SMOC2: variants seen among roughly 807,000 people sequenced by gnomAD.
SMOC2 encodes the protein SPARC related modular calcium binding 2, also known as SPARC-related modular calcium-binding protein 2.
SMOC2 carries 39 observed loss-of-function variants against 61.4 expected under a neutral mutation model. That is an observed-to-expected ratio of 0.64 (90% CI 0.49 to 0.83). The LOEUF is 0.83. SMOC2 is among the 40% of genes least tolerant of loss of function. The probability of loss-of-function intolerance (pLI) is 0.00; values close to 1 mark genes in which losing one functional copy is unlikely to be tolerated. For synonymous variants in SMOC2, 247 were observed against 239.9 expected (o/e 1.03, Z -0.27); for missense variants, 556 against 592.9 (o/e 0.94, Z 0.65).
chr6:168,606,914 G>A (rs1028354158), intron 8 of SMOC2, among the ~76,000 whole-genome samples: 18 of 152,082 alleles, frequency 1.2e-4, no homozygotes, highest in Non-Finnish European at 1.5e-4. Context: ...AGGATTCCAC[G>A]TGCCTGACAC....
At chr6:168,519,081 G>A (rs1011454662) in intron 2 of SMOC2, among the ~76,000 whole-genome samples, 6 of 150,614 alleles carry the variant, frequency 4.0e-5, no homozygotes, top group East Asian at 2.0e-4. Flanking sequence ...GTATGTATGC[G>A]TGCATGTGTG....
intron 1 of SMOC2, among the ~76,000 whole-genome samples, chr6:168,455,093 G>A (rs74322181): frequency 0.065 from 9,845 of 152,132 alleles, 383 homozygotes; most frequent in Non-Finnish European, 0.093. Flanking sequence ...GTGCCGGGGC[G>A]GAGTGAGGAC....
intron 7 of SMOC2, among the ~76,000 whole-genome samples, chr6:168,555,893 G>A (rs1784237349): frequency 6.6e-6 from 1 of 152,160 alleles, no homozygotes. Context: ...GGCAGCACCG[G>A]GCAGTCCCTT....
chr6:168,645,807 C>T (rs1302148929), intron 9 of SMOC2, among the ~76,000 whole-genome samples: 1 of 152,194 alleles, frequency 6.6e-6, no homozygotes, highest in Non-Finnish European at 1.5e-5. Context: ...TGACCTGTCC[C>T]CCTCACATCA....
rs530639857 is a variant in SMOC2 at position 168,558,861 on chromosome 6, ATG to A, written c.637+9665_637+9666del. Among the ~76,000 whole-genome samples, 573 of 104,828 alleles carry A rather than the reference ATG, an allele frequency of 5.5e-3. 4 individuals carry two copies. Among genetic ancestry groups the A allele is most frequent in the African/African-American group, 0.034 (514 of 15,028 alleles). The allele number at this position is 104,828 out of a possible 152,430, so 68.8% of individuals were successfully genotyped here. On this transcript the variant is annotated intron_variant, in intron 7 of 12. Transcript: ENST00000356284. ...CACGTGTGTATGTGCGCGTGTGCGC[ATG>A]TGTGTGCATGTGTGTGCGTGTGTGC...
intron 9 of SMOC2, among the ~76,000 whole-genome samples, chr6:168,632,454 A>G (rs1313917325): frequency 1.3e-5 from 2 of 152,234 alleles, no homozygotes; most frequent in Non-Finnish European, 2.9e-5. Flanking sequence ...TTCACTCTGG[A>G]GAGTTGATGA....
chr6:168,494,212 C>T (rs2115035343), intron 1 of SMOC2, among the ~76,000 whole-genome samples: 1 of 152,286 alleles, frequency 6.6e-6, no homozygotes, highest in South Asian at 2.1e-4. Flanking sequence ...CATGGCAAAG[C>T]TAAGAGCAGC....
chr6:168,546,979 G>C, intron 5 of SMOC2, 140 bp from the exon 6 acceptor site: 1 of 946,716 alleles, frequency 1.1e-6, no homozygotes, highest in Non-Finnish European at 1.7e-6. Flanking sequence ...GCAGCATCGC[G>C]TTGGGTCTGT....
intron 9 of SMOC2, among the ~76,000 whole-genome samples, chr6:168,642,168 C>T (rs1000701989): frequency 6.6e-6 from 1 of 152,264 alleles, no homozygotes; most frequent in Admixed American, 6.5e-5. Flanking sequence ...GGCAACCGCC[C>T]AAGCCGGAGT....
At position 168,650,747 on chromosome 6, in the gene SMOC2, T is replaced by C. The variant is rs377290618; in HGVS notation, c.974T>C (p.Val325Ala). ...SVLDALSTDM[V>A]HAASDPSSSS... ...CTGGACGCGCTGTCCACGGACATGGTCCACGCCGCCTCCGACCCCTCCTCC... is the reference window on the plus strand; with the variant it reads ...CTGGACGCGCTGTCCACGGACATGGCCCACGCCGCCTCCGACCCCTCCTCC... The change falls in exon 10 of 13, where the codon GTC becomes GCC. Residue 325 changes from valine to alanine, a missense_variant. Transcript: ENST00000356284. The C allele has an allele frequency of 2.8e-5, 45 of 1,613,128 alleles. No individual in the cohort carries two copies. Among genetic ancestry groups the C allele is most frequent in the Non-Finnish European group, 3.6e-5 (43 of 1,180,008 alleles).
chr6:168,490,059 G>C (rs1222485748), intron 1 of SMOC2, among the ~76,000 whole-genome samples: 1 of 150,614 alleles, frequency 6.6e-6, no homozygotes, highest in African/African-American at 2.5e-5. Flanking sequence ...GGTTCCCCTT[G>C]GATCACACTG....
At chr6:168,599,187 ACACT>A (rs1374459367) in intron 8 of SMOC2, among the ~76,000 whole-genome samples, 183 bp downstream of exon 8, 7 of 118,184 alleles carry the variant, frequency 5.9e-5, no homozygotes, top group South Asian at 5.5e-4. Flanking sequence ...ACACCCACAC[ACACT>A]CATACCACAC....
intron 3 of SMOC2, 119 bp downstream of exon 3, chr6:168,526,571 T>G (rs1346385843): frequency 1.3e-6 from 1 of 753,500 alleles, no homozygotes; most frequent in Non-Finnish European, 2.3e-6. Context: ...GTTTGTTCTC[T>G]GGGGAAATCA....
Position 168,503,593 on chromosome 6 carries a change from T to C in SMOC2, c.85-6322T>C, listed in dbSNP as rs574130389. Among the ~76,000 whole-genome samples, 3 of 152,228 alleles carry C rather than the reference T, an allele frequency of 2.0e-5. No individual in the cohort carries two copies. The South Asian group carries it at 6.2e-4, about 32-fold the overall frequency. On this transcript the variant is annotated intron_variant, in intron 1 of 12. Transcript: ENST00000356284. ...TTTATCCTCACAGCTACCTCAAAGG[T>C]GACAAGGTATTATTACTCTCATTTT...
At chr6:168,573,051 A>G (rs1784706493) in intron 7 of SMOC2, among the ~76,000 whole-genome samples, 1 of 97,254 alleles carries the variant, frequency 1.0e-5, no homozygotes, top group African/African-American at 5.5e-5. Context: ...TCCTCCCCGC[A>G]TCCCCGGGTG....
At chr6:168,530,986 A>C (rs564191625) in intron 4 of SMOC2, among the ~76,000 whole-genome samples, 2 of 152,246 alleles carry the variant, frequency 1.3e-5, no homozygotes, top group African/African-American at 4.8e-5. Context: ...ACTGATGAAA[A>C]GGTCCAGTGC....
At chr6:168,569,692 T>C (rs1417963159) in intron 7 of SMOC2, among the ~76,000 whole-genome samples, 2 of 152,182 alleles carry the variant, frequency 1.3e-5, no homozygotes, top group Non-Finnish European at 2.9e-5. Context: ...TATCTGCCTG[T>C]CTCGGCCTTC....
intron 7 of SMOC2, among the ~76,000 whole-genome samples, chr6:168,559,704 C>T (rs759063352): frequency 5.3e-4 from 80 of 152,104 alleles, no homozygotes; most frequent in Non-Finnish European, 3.1e-4. Context: ...TTCCTTCAAC[C>T]GCACCTTGTT....
intron 9 of SMOC2, among the ~76,000 whole-genome samples, chr6:168,647,361 A>G (rs187517268): frequency 1.3e-5 from 2 of 152,296 alleles, no homozygotes; most frequent in East Asian, 1.9e-4. Flanking sequence ...GGCTCCTCAT[A>G]CAGGTTCTCA....
Sources: gnomAD v4.1 joint callset for allele counts (sites outside exome capture counted in the v4.1 genomes callset) on GRCh38, gnomAD v4.1.1 for gene constraint, MANE v1.5 for transcripts, NCBI Gene and HGNC (gene_info 2026-07-23, HGNC 2026-07-21) for gene names.